The following TNRC6B variants were observed in gnomAD, a reference collection of about 807,000 sequenced individuals.
TNRC6B encodes trinucleotide repeat-containing gene 6B protein.
TNRC6B carries 52 observed loss-of-function variants against 203.6 expected under a neutral mutation model. That is an observed-to-expected ratio of 0.26 (90% CI 0.20 to 0.32). TNRC6B has a LOEUF of 0.32. Ranked by LOEUF, TNRC6B falls within the 10% of genes least tolerant of loss-of-function variation. The pLI, the probability that TNRC6B is intolerant of heterozygous loss-of-function variation, is 1.00. For synonymous variants in TNRC6B, 838 were observed against 845.7 expected, an observed-to-expected ratio of 0.99 and a Z score of 0.16; for missense variants, 1,923 against 2,286.2, an observed-to-expected ratio of 0.84 and a Z score of 3.24.
intron 3 of TNRC6B, among the ~76,000 whole-genome samples, chr22:40,139,932 C>T (rs1214328727): frequency 6.6e-6 from 1 of 152,144 alleles, no homozygotes; most frequent in Admixed American, 6.5e-5. Flanking sequence ...ATCACCAATA[C>T]TTGTTATTGT....
intron 12 of TNRC6B, among the ~76,000 whole-genome samples, chr22:40,294,034 C>T (rs577340936): frequency 1.6e-5 from 2 of 127,684 alleles, no homozygotes; most frequent in Non-Finnish European, 3.1e-5. Context: ...CCTAGGAGTT[C>T]GAGACAAGCC....
At chr22:40,119,370 G>A (rs1310082488) in intron 2 of TNRC6B, among the ~76,000 whole-genome samples, 3 of 152,198 alleles carry the variant, frequency 2.0e-5, no homozygotes, top group Non-Finnish European at 4.4e-5. Context: ...GATCACTTGA[G>A]GTCAGGAGTT....
At chr22:40,132,969 A>AAATATATATATATATATAT (rs1282694632) in intron 3 of TNRC6B, among the ~76,000 whole-genome samples, 1 of 78,174 alleles carries the variant, frequency 1.3e-5, no homozygotes, top group Non-Finnish European at 2.6e-5. Context: ...AAAAAAAAAA[A>AAATATATATATATATATAT]ATATATATAT....
chr22:40,274,924 C>G (rs2070618058), intron 7 of TNRC6B, among the ~76,000 whole-genome samples: 2 of 152,156 alleles, frequency 1.3e-5, no homozygotes, highest in Non-Finnish European at 2.9e-5. Flanking sequence ...AGTGGAAATA[C>G]GAAATGGGCA....
intron 1 of TNRC6B, among the ~76,000 whole-genome samples, chr22:40,046,968 C>T (rs145027404): frequency 0.012 from 1,858 of 152,220 alleles, 15 homozygotes; most frequent in Non-Finnish European, 0.02. Context: ...CAAGTCGGAG[C>T]AATACCACTT....
At chr22:40,106,455 G>T in intron 1 of TNRC6B, 1 of 802,536 alleles carries the variant, frequency 1.2e-6, no homozygotes, top group Non-Finnish European at 2.2e-6. Context: ...GAAGTTATTT[G>T]CTTCTTTGAA....
chr22:40,248,171 C>A (rs2070135412), intron 2 of TNRC6B, among the ~76,000 whole-genome samples: 1 of 152,048 alleles, frequency 6.6e-6, no homozygotes, highest in Non-Finnish European at 1.5e-5. Context: ...ACTGAGGTTG[C>A]AGTATGCAGG....
intron 1 of TNRC6B, among the ~76,000 whole-genome samples, chr22:40,058,082 TAAAC>T (rs911062989): frequency 6.6e-6 from 1 of 152,224 alleles, no homozygotes; most frequent in Non-Finnish European, 1.5e-5. Flanking sequence ...TCAATTGCCT[TAAAC>T]AAAAGGCCAC....
chr22:40,208,956 G>A (rs1478941815), intron 1 of TNRC6B, among the ~76,000 whole-genome samples: 2 of 152,218 alleles, frequency 1.3e-5, no homozygotes, highest in African/African-American at 4.8e-5. Context: ...AGACATGACA[G>A]TGTATCTCAA....
intron 1 of TNRC6B, among the ~76,000 whole-genome samples, chr22:40,051,582 A>G (rs1473664019): frequency 1.3e-5 from 2 of 152,174 alleles, no homozygotes; most frequent in Admixed American, 6.5e-5. Flanking sequence ...TGCTTTGTTT[A>G]TGTTTCCTGC....
At chr22:40,254,983 G>A (rs1379811913) in intron 3 of TNRC6B, among the ~76,000 whole-genome samples, 1 of 152,230 alleles carries the variant, frequency 6.6e-6, no homozygotes, top group Admixed American at 6.5e-5. Flanking sequence ...GGAACAGAGA[G>A]CAACCTCCAT....
chr22:40,097,289 CTTTTTT>C (rs146026490), intron 1 of TNRC6B, among the ~76,000 whole-genome samples: 1 of 150,348 alleles, frequency 6.7e-6, no homozygotes. Flanking sequence ...CAGGTGTGTC[CTTTTTT>C]TTTGTTTTTG....
At chr22:40,060,210 T>A (rs6001737) in intron 1 of TNRC6B, among the ~76,000 whole-genome samples, 1,731 of 147,500 alleles carry the variant, frequency 0.012, 34 homozygotes, top group African/African-American at 0.042. Context: ...CTTTTTTTTT[T>A]ATTATTTTTA....
intron 1 of TNRC6B, among the ~76,000 whole-genome samples, chr22:40,097,208 G>C (rs2068192527): frequency 6.6e-6 from 1 of 152,182 alleles, no homozygotes; most frequent in African/African-American, 2.4e-5. Flanking sequence ...TATTATAAGA[G>C]CAATTTATGC....
chr22:40,182,107 T>C (rs1371547937), intron 1 of TNRC6B, among the ~76,000 whole-genome samples: 1 of 151,328 alleles, frequency 6.6e-6, no homozygotes, highest in Admixed American at 6.6e-5. Context: ...TAGCCAAGGG[T>C]GGTGGCGCCT....
intron 11 of TNRC6B, among the ~76,000 whole-genome samples, chr22:40,283,003 T>C (rs1169117499): frequency 6.6e-6 from 1 of 152,008 alleles, no homozygotes; most frequent in Non-Finnish European, 1.5e-5. Context: ...GCCTTTTTTC[T>C]CCCGTTTATT....
At chr22:40,273,621 C>A in intron 7 of TNRC6B, 21 bp downstream of exon 7, 3 of 1,543,016 alleles carry the variant, frequency 1.9e-6, no homozygotes, top group South Asian at 2.4e-5. Context: ...TAGAAATGTT[C>A]GCACTTGCTC....
In TNRC6B at chr22:40,335,734, T is replaced by G. The variant is rs1345934791; in HGVS notation, c.*12493T>G. 6.8e-6 allele frequency: 1 copy of G among 146,750 alleles called. No individual in the cohort carries two copies. Among genetic ancestry groups the G allele is most frequent in the Non-Finnish European group, 1.5e-5 (1 of 67,040 alleles). 9.1% of individuals were successfully genotyped at this position (146,750 alleles called of 1,614,324 possible). ...ATTATGTGCAACTCAGTTGCTTACA[T>G]TATAACTACAAAATATTTTTGGGTT... On this transcript the variant is annotated 3_prime_UTR_variant, in exon 23 of 23. Coordinates refer to ENST00000454349, the MANE Select transcript of TNRC6B (RefSeq NM_001162501.2).
At position 40,335,093 on chromosome 22, in the gene TNRC6B, G is replaced by A. The variant is rs1268391968; in HGVS notation, c.*11852G>A. 2.0e-5 allele frequency: 3 copies of A among 150,452 alleles called. No homozygotes were observed. Among genetic ancestry groups the A allele is most frequent in the Admixed American group, 2.0e-4 (3 of 15,080 alleles). The allele number at this position is 150,452 out of a possible 1,614,324, so 9.3% of individuals were successfully genotyped here. ...GGTGGCTTTCTTTTCTCTCTTTGAT[G>A]GGCAATAGAGGAAGTAGATAATGGG... On this transcript the variant is annotated 3_prime_UTR_variant, in exon 23 of 23. Coordinates refer to ENST00000454349, the MANE Select transcript of TNRC6B (RefSeq NM_001162501.2).
Sources: gnomAD v4.1 joint callset for allele counts (sites outside exome capture counted in the v4.1 genomes callset) on GRCh38, gnomAD v4.1.1 for gene constraint, MANE v1.5 for transcripts, NCBI Gene and HGNC (gene_info 2026-07-23, HGNC 2026-07-21) for gene names.